STMND1: variants seen among roughly 807,000 people sequenced by gnomAD.
STMND1 encodes the protein stathmin domain containing 1.
STMND1 carries 17 observed loss-of-function variants against 23.0 expected under a neutral mutation model. The ratio of observed to expected loss-of-function variants is 0.74; its 90% CI spans 0.51 to 1.11. STMND1 has a LOEUF of 1.11. Ranked by LOEUF, STMND1 falls within the 50% of genes least tolerant of loss-of-function variation. The pLI, the probability that STMND1 is intolerant of heterozygous loss-of-function variation, is 0.00. For missense variants in STMND1, 305 were observed against 329.1 expected, an observed-to-expected ratio of 0.93 and a Z score of 0.57; for synonymous variants, 114 against 119.9, an observed-to-expected ratio of 0.95 and a Z score of 0.32.
At chr6:17,116,097 C>G (rs1036757467) in intron 2 of STMND1, among the ~76,000 whole-genome samples, 2 of 152,154 alleles carry the variant, frequency 1.3e-5, no homozygotes, top group African/African-American at 4.8e-5. Flanking sequence ...AACATGAATG[C>G]TAAATATCAG....
chr6:17,111,568 C>T (rs913195826), intron 1 of STMND1, among the ~76,000 whole-genome samples: 2 of 152,144 alleles, frequency 1.3e-5, no homozygotes, highest in Non-Finnish European at 2.9e-5. Context: ...TACTCCTTAT[C>T]ACTAAATAGA....
intron 1 of STMND1, among the ~76,000 whole-genome samples, chr6:17,103,009 A>AT (rs1171656840): frequency 6.6e-6 from 1 of 152,042 alleles, no homozygotes; most frequent in African/African-American, 2.4e-5. Context: ...ATTATGGGGA[A>AT]TTTTTTCCAG....
At chr6:17,127,846 A>T (rs938639290) in intron 3 of STMND1, 4 of 152,210 alleles carry the variant, frequency 2.6e-5, no homozygotes, top group Admixed American at 2.6e-4. Context: ...GTTGTAATAA[A>T]TCTATATTTA....
chr6:17,107,781 A>C (rs1761046208), intron 1 of STMND1, among the ~76,000 whole-genome samples: 1 of 152,166 alleles, frequency 6.6e-6, no homozygotes, highest in African/African-American at 2.4e-5. Context: ...TATTTTGTAG[A>C]GATGAGTTTG....
intron 1 of STMND1, chr6:17,110,911 A>G (rs1171106320): frequency 2.2e-6 from 1 of 455,804 alleles, no homozygotes; most frequent in South Asian, 1.6e-5. Context: ...GAAGACCTTG[A>G]TAGCATCCAT....
At chr6:17,116,501 G>A (rs866117934) in intron 2 of STMND1, among the ~76,000 whole-genome samples, 6 of 152,068 alleles carry the variant, frequency 3.9e-5, no homozygotes, top group Middle Eastern at 6.8e-3. Flanking sequence ...GTGCAATGGT[G>A]CAATCTCCGC....
rs1760952925 is a variant in STMND1, at chr6:17,102,357, A to C, written c.81+19A>C. ...ATTCAAGGTAATAAACAAACAAACA[A>C]ACAAACAAACAAACAGACAGAAAGC... On this transcript the variant is annotated intron_variant, in intron 1 of 4. Transcript: ENST00000536551. 5 of 1,534,800 alleles carry C rather than the reference A, an allele frequency of 3.3e-6. No homozygotes were observed. The highest frequency in any genetic ancestry group is 4.4e-6 in the Non-Finnish European group (5 of 1,146,112).
chr6:17,113,534 A>C (rs1489284745), intron 1 of STMND1, among the ~76,000 whole-genome samples: 1 of 152,238 alleles, frequency 6.6e-6, no homozygotes, highest in Non-Finnish European at 1.5e-5. Flanking sequence ...TGTTTGACAG[A>C]ATAACTGGCT....
chr6:17,116,525 C>T (rs1263003274), intron 2 of STMND1, among the ~76,000 whole-genome samples: 6 of 152,092 alleles, frequency 3.9e-5, no homozygotes, highest in African/African-American at 1.2e-4. Flanking sequence ...CTGCAACCTC[C>T]GCCTCCCAGG....
intron 3 of STMND1, among the ~76,000 whole-genome samples, chr6:17,125,584 A>G (rs967304163): frequency 6.6e-6 from 1 of 152,152 alleles, no homozygotes; most frequent in African/African-American, 2.4e-5. Context: ...AAGAGTCTCT[A>G]CCATTATTTG....
At chr6:17,105,228 G>A (rs1227964648) in intron 1 of STMND1, among the ~76,000 whole-genome samples, 3 of 152,190 alleles carry the variant, frequency 2.0e-5, no homozygotes, top group Non-Finnish European at 2.9e-5. Context: ...TAATGCTGGC[G>A]ATGACTGTAC....
At position 17,131,021 on chromosome 6, in the gene STMND1, A is replaced by C; in HGVS notation, c.*140A>C. ...GCTTAAGGATGATTGTGTGGGCTGC[A>C]CAGGCTGAAGGTTAGTTGAGTAAAT... On this transcript the variant is annotated 3_prime_UTR_variant, in exon 5 of 5. Transcript: ENST00000536551. The C allele has an allele frequency of 2.5e-6, 2 of 793,680 alleles. No homozygotes were observed. The highest frequency in any genetic ancestry group is 4.3e-5 in the South Asian group (2 of 46,444). The allele number at this position is 793,680 out of a possible 1,614,324, so 49.2% of individuals were successfully genotyped here.
intron 1 of STMND1, among the ~76,000 whole-genome samples, chr6:17,106,350 C>G (rs984559694): frequency 1.3e-5 from 2 of 152,140 alleles, no homozygotes; most frequent in African/African-American, 4.8e-5. Context: ...TGAGGACAGG[C>G]ACTGTTTTTT....
intron 1 of STMND1, among the ~76,000 whole-genome samples, chr6:17,106,917 G>A (rs1047989892): frequency 1.3e-5 from 2 of 152,106 alleles, no homozygotes; most frequent in South Asian, 2.1e-4. Context: ...TTCTTAGTTG[G>A]AGAAATGTTT....
At chr6:17,115,372 T>TAAAAAAA (rs75171969) in intron 2 of STMND1, among the ~76,000 whole-genome samples, 10 of 116,084 alleles carry the variant, frequency 8.6e-5, no homozygotes, top group African/African-American at 1.3e-4. Context: ...GGACCATCTT[T>TAAAAAAA]AAAAAAAAAA....
At chr6:17,128,462 T>C in intron 3 of STMND1, 1 of 152,254 alleles carries the variant, frequency 6.6e-6, no homozygotes, top group Non-Finnish European at 1.5e-5. Flanking sequence ...CTCTTCACCT[T>C]AAACTACAAA....
At chr6:17,129,277 G>A in intron 4 of STMND1, 34 bp downstream of exon 4, 8 of 1,526,868 alleles carry the variant, frequency 5.2e-6, no homozygotes, top group Non-Finnish European at 7.0e-6. Context: ...GGCTTGAGGA[G>A]TTCGCTGTCT....
intron 4 of STMND1, among the ~76,000 whole-genome samples, chr6:17,129,700 C>T (rs1182302090): frequency 2.8e-5 from 4 of 145,272 alleles, no homozygotes; most frequent in African/African-American, 7.6e-5. Context: ...AAAAATTAGC[C>T]GGGCGTGGTG....
Position 17,129,246 on chromosome 6 carries a change from A to G in STMND1, c.543+3A>G. ...AGGCTGCCGAGGAGCGCAGGAAGGT[A>G]GTGAGCTCTCAGATGCTCTAGGCTT... On this transcript the variant is annotated splice_donor_region_variant and intron_variant, in intron 4 of 4. Coordinates refer to ENST00000536551, the MANE Select transcript of STMND1 (RefSeq NM_001190766.2). 6.5e-7 allele frequency: 1 copy of G among 1,535,868 alleles called. No homozygotes were observed. The highest frequency in any genetic ancestry group is 1.4e-5 in the African/African-American group (1 of 73,168).
Sources: allele counts gnomAD v4.1 joint callset (sites outside exome capture counted in the v4.1 genomes callset), GRCh38; gene constraint gnomAD v4.1.1; transcripts MANE v1.5; gene names NCBI Gene and HGNC (gene_info 2026-07-23, HGNC 2026-07-21).